Variants in PRAG1 observed in about 807,000 individuals in gnomAD.
The protein encoded by PRAG1 is PEAK1 related, kinase-activating pseudokinase 1.
PRAG1 carries 110 observed loss-of-function variants against 95.6 expected under a neutral mutation model. The observed-to-expected ratio is 1.15, with a 90% CI of 0.99 to 1.35. The LOEUF is 1.35. PRAG1 is among the 40% of genes most tolerant of loss of function. The pLI is 0.00. For missense variants in PRAG1, 2,554 were observed against 1,864.7 expected (o/e 1.37, Z -6.81); for synonymous variants, 1,052 against 819.4 (o/e 1.28, Z -4.85).
chr8:8,362,945 C>T (rs1265239714), intron 3 of PRAG1, among the ~76,000 whole-genome samples: 1 of 151,926 alleles, frequency 6.6e-6, no homozygotes, highest in Non-Finnish European at 1.5e-5. Context: ...AATAACATTT[C>T]CAAATAAGGA....
intron 5 of PRAG1, among the ~76,000 whole-genome samples, chr8:8,323,714 T>G (rs181722101): frequency 6.6e-6 from 1 of 152,276 alleles, no homozygotes. Context: ...GTAAGTTTCC[T>G]GAGGCTTCCC....
Position 8,377,822 on chromosome 8 carries a change from G to C in PRAG1, c.587C>G (p.Pro196Arg). ...KAVHKEKPSF[P>R]YQDRPSTQES... ...CTGGGTGGAGGGCCGGTCTTGGTAAGGAAATGAGGGTTTTTCTTTGTGCAC... is the reference window on the plus strand; with the variant it reads ...CTGGGTGGAGGGCCGGTCTTGGTAACGAAATGAGGGTTTTTCTTTGTGCAC... The change falls in exon 3 of 6, where the codon CCT (proline) becomes CGT (arginine). Residue 196 changes from proline (P) to arginine (R), a missense_variant. Physicochemically the swap from Pro to Arg is moderately radical, Grantham distance 103. Transcript: ENST00000615670. The C allele has an allele frequency of 1.2e-6, 2 of 1,614,150 alleles. No homozygotes were observed. Among genetic ancestry groups the C allele is most frequent in the Non-Finnish European group, 1.7e-6 (2 of 1,180,028 alleles).
intron 1 of PRAG1, among the ~76,000 whole-genome samples, chr8:8,384,456 A>G (rs764871890): frequency 5.3e-5 from 8 of 152,232 alleles, no homozygotes; most frequent in Non-Finnish European, 1.0e-4. Context: ...CACGACTGCC[A>G]GGGACGGATG....
intron 3 of PRAG1, among the ~76,000 whole-genome samples, chr8:8,349,304 A>G (rs891159436): frequency 4.1e-5 from 6 of 147,974 alleles, no homozygotes; most frequent in South Asian, 2.1e-4. Flanking sequence ...TTTTTGAGAC[A>G]GAGTCTCGCT....
intron 3 of PRAG1, among the ~76,000 whole-genome samples, chr8:8,356,470 C>A (rs1456374768): frequency 6.6e-6 from 1 of 152,178 alleles, no homozygotes; most frequent in Non-Finnish European, 1.5e-5. Flanking sequence ...CTCAGCCTCC[C>A]AAGTAGCTGT....
intron 5 of PRAG1, among the ~76,000 whole-genome samples, chr8:8,321,146 G>A (rs188936823): frequency 2.0e-5 from 3 of 152,320 alleles, no homozygotes; most frequent in African/African-American, 4.8e-5. Flanking sequence ...GTGCAGTGGT[G>A]CAATCACAGC....
At chr8:8,378,170 T>C in intron 2 of PRAG1, 92 bp from the exon 3 acceptor site, 1 of 1,425,304 alleles carries the variant, frequency 7.0e-7, no homozygotes, top group Non-Finnish European at 9.3e-7. Flanking sequence ...GCAACGATAC[T>C]GTAGAATGTC....
chr8:8,377,256 C>A lies in PRAG1; in HGVS notation c.1153G>T (p.Val385Leu). 2 of 1,612,842 alleles carry A rather than the reference C, an allele frequency of 1.2e-6. No individual in the cohort carries two copies. Among genetic ancestry groups the A allele is most frequent in the Non-Finnish European group, 1.7e-6 (2 of 1,179,946 alleles). Residue 385 changes from valine (V) to leucine (L), a missense_variant, in exon 3 of 6, where the codon GTG (valine) becomes TTG (leucine). Physicochemically the swap from Val to Leu is conservative, Grantham distance 32. Coordinates refer to ENST00000615670, the MANE Select transcript of PRAG1 (RefSeq NM_001080826.3). ...EKQQDPGCPG[V>L]TPSRCLGLTG... ...AGCCCAAGGCATCTGCTAGGGGTCA[C>A]CCCTGGGCAGCCAGGGTCCTGCTGC...
Position 8,319,072 on chromosome 8 carries a change from G to A in PRAG1, c.3303C>T (p.Ser1101=). 1 of 1,611,572 alleles carries A rather than the reference G, an allele frequency of 6.2e-7. No individual in the cohort carries two copies. Among genetic ancestry groups the A allele is most frequent in the Non-Finnish European group, 8.5e-7 (1 of 1,179,738 alleles). Residue 1101 remains serine, a synonymous_variant, in exon 6 of 6, where the codon TCC becomes TCT. Coordinates refer to ENST00000615670, the MANE Select transcript of PRAG1 (RefSeq NM_001080826.3). The stretch of plus-strand genomic sequence containing the variant: ...TGGCCGCCGAGTCCCGCACGAAGTC[G>A]GAGGCGGTCTGATGTGGCACCTCTC... ...ITREVPHQTA[S]DFVRDSAASH...
chr8:8,363,736 G>T (rs976982523), intron 3 of PRAG1, among the ~76,000 whole-genome samples: 2 of 152,128 alleles, frequency 1.3e-5, no homozygotes, highest in African/African-American at 4.8e-5. Flanking sequence ...CATATTTTAT[G>T]TGTATGTCTA....
intron 4 of PRAG1, among the ~76,000 whole-genome samples, chr8:8,329,167 C>T (rs1458258793): frequency 6.6e-5 from 10 of 151,934 alleles, no homozygotes; most frequent in African/African-American, 1.9e-4. Flanking sequence ...CTGAGGTGGA[C>T]GGATCACTTG....
At chr8:8,331,202 A>G (rs1212973438) in intron 4 of PRAG1, among the ~76,000 whole-genome samples, 1 of 152,210 alleles carries the variant, frequency 6.6e-6, no homozygotes, top group African/African-American at 2.4e-5. Context: ...AGGGAGGTTC[A>G]TAACAGATCA....
intron 3 of PRAG1, among the ~76,000 whole-genome samples, chr8:8,344,086 A>G (rs1191528233): frequency 6.6e-6 from 1 of 152,174 alleles, no homozygotes. Flanking sequence ...TGCATTTTAT[A>G]TTTACTCACA....
At chr8:8,322,170 G>C (rs1798491359) in intron 5 of PRAG1, among the ~76,000 whole-genome samples, 1 of 150,120 alleles carries the variant, frequency 6.7e-6, no homozygotes, top group Non-Finnish European at 1.5e-5. Flanking sequence ...TATATATATA[G>C]TTTTGTTTTG....
intron 4 of PRAG1, among the ~76,000 whole-genome samples, chr8:8,334,513 G>C (rs1429538132): frequency 6.6e-6 from 1 of 151,828 alleles, no homozygotes; most frequent in Non-Finnish European, 1.5e-5. Flanking sequence ...CTGGAAGCAG[G>C]TTATTAGCAT....
chr8:8,336,188 C>T (rs1798978437), intron 4 of PRAG1, among the ~76,000 whole-genome samples: 1 of 152,186 alleles, frequency 6.6e-6, no homozygotes, highest in South Asian at 2.1e-4. Flanking sequence ...CTTCTCTAAT[C>T]TCCAGGCATT....
intron 5 of PRAG1, among the ~76,000 whole-genome samples, chr8:8,320,484 TAG>T (rs1798438098): frequency 1.3e-5 from 2 of 152,128 alleles, no homozygotes; most frequent in African/African-American, 4.8e-5. Flanking sequence ...GCCACTCAAC[TAG>T]AGAGTCTTGA....
chr8:8,381,023 A>G lies in PRAG1; in HGVS notation c.330+395T>C, dbSNP rs548478230. Among the ~76,000 whole-genome samples the G allele has an allele frequency of 3.7e-4, 56 of 152,294 alleles. 2 individuals carry two copies. The South Asian group carries it at 0.011, about 31-fold the overall frequency. Reference sequence around the variant, plus strand: ...TGAGGGAGGTGAAATAAGATTGGTCAGGAGTTGATGGTTGCTGAAGTTCAT... The same window carrying G: ...TGAGGGAGGTGAAATAAGATTGGTCGGGAGTTGATGGTTGCTGAAGTTCAT... On this transcript the variant is annotated intron_variant, in intron 2 of 5. Coordinates refer to ENST00000615670, the MANE Select transcript of PRAG1 (RefSeq NM_001080826.3).
At chr8:8,338,302 A>G (rs971034389) in intron 4 of PRAG1, among the ~76,000 whole-genome samples, 1 of 152,228 alleles carries the variant, frequency 6.6e-6, no homozygotes, top group Non-Finnish European at 1.5e-5. Context: ...AAAGTGGTGA[A>G]GCCATGAAGT....
Sources: allele counts gnomAD v4.1 joint callset (sites outside exome capture counted in the v4.1 genomes callset), GRCh38; gene constraint gnomAD v4.1.1; transcripts MANE v1.5; gene names NCBI Gene and HGNC (gene_info 2026-07-23, HGNC 2026-07-21).